Variants in ZNF599 observed in about 807,000 individuals in gnomAD.
ZNF599 encodes the protein zinc finger protein 599.
In ZNF599, 10 loss-of-function variants were observed where a neutral mutation model predicts 11.7. That is an observed-to-expected ratio of 0.86 (90% CI 0.53 to 1.45). The LOEUF (loss-of-function observed/expected upper bound fraction) is 1.45. ZNF599 is among the 40% of genes most tolerant of loss of function. The pLI is 0.00. For missense variants in ZNF599, 688 were observed against 713.6 expected (o/e 0.96, Z 0.41); for synonymous variants, 232 against 253.2 (o/e 0.92, Z 0.79).
chr19:34,773,113 C>A lies in ZNF599; in HGVS notation c.-272G>T. 1 of 432,246 alleles carries A rather than the reference C, an allele frequency of 2.3e-6. No homozygotes were observed. The highest frequency in any genetic ancestry group is 4.1e-6 in the Non-Finnish European group (1 of 245,096). The allele number at this position is 432,246 out of a possible 1,614,324, so 26.8% of individuals were successfully genotyped here. A position where few individuals can be genotyped will look rare whatever the true frequency, so the allele number is the denominator to read the frequency against. Reference sequence around the variant, plus strand: ...GGGTCCTATCCTCCTCACTGTCCGTCTCTACTCGGTCTCGAAAAGTGGCCC... The same window carrying A: ...GGGTCCTATCCTCCTCACTGTCCGTATCTACTCGGTCTCGAAAAGTGGCCC... On this transcript the variant is annotated 5_prime_UTR_variant, in exon 1 of 4. Transcript: ENST00000329285.
At chr19:34,805,194 T>TA in the ZNF599 span, among the ~76,000 whole-genome samples, 10 of 141,948 alleles carry the variant, frequency 7.0e-5, no homozygotes, top group African/African-American at 2.0e-4. Flanking sequence ...CCCTAAGTGC[T>TA]ACCTTTTTTT....
chr19:34,765,365 T>C (rs2069136180), intron 3 of ZNF599: 5 of 562,068 alleles, frequency 8.9e-6, no homozygotes, highest in Admixed American at 3.0e-5. Context: ...TCTCACACAG[T>C]GGCTTGATTT....
upstream of ZNF599, among the ~76,000 whole-genome samples, chr19:34,775,506 A>C (rs188941253): frequency 1.6e-3 from 241 of 152,368 alleles, no homozygotes; most frequent in African/African-American, 5.5e-3. Flanking sequence ...GTGGTGGGAC[A>C]GCCGATTGAT....
chr19:34,761,948 A>G (rs1351359048), intron 3 of ZNF599, among the ~76,000 whole-genome samples: 2 of 152,194 alleles, frequency 1.3e-5, no homozygotes, highest in Non-Finnish European at 2.9e-5. Context: ...CAAAAAAGCA[A>G]ACAAATAAAA....
chr19:34,773,216 G>T (rs1041299065), upstream of ZNF599: 1 of 257,076 alleles, frequency 3.9e-6, no homozygotes, highest in Non-Finnish European at 7.4e-6. Flanking sequence ...CTGGACGCCG[G>T]AAGTCCCGCC....
the ZNF599 span, among the ~76,000 whole-genome samples, chr19:34,790,644 C>A: frequency 6.6e-6 from 1 of 152,024 alleles, no homozygotes; most frequent in Non-Finnish European, 1.5e-5. Context: ...ATCAATGGTG[C>A]AAAATTTCAG....
chr19:34,765,698 A>C, intron 3 of ZNF599: 1 of 702,906 alleles, frequency 1.4e-6, no homozygotes, highest in Non-Finnish European at 2.6e-6. Flanking sequence ...AAGAAAATCA[A>C]GTGTGTAGGC....
chr19:34,764,192 T>C (rs1227848077), intron 3 of ZNF599: 3 of 152,210 alleles, frequency 2.0e-5, no homozygotes, highest in Admixed American at 1.3e-4. Flanking sequence ...GCAATCAGGA[T>C]GGCAACAGTG....
At chr19:34,807,280 G>T in the ZNF599 span, among the ~76,000 whole-genome samples, 1 of 152,200 alleles carries the variant, frequency 6.6e-6, no homozygotes, top group South Asian at 2.1e-4. Context: ...TTTGAAAGTA[G>T]GAGTCCGGCG....
At chr19:34,768,717 T>C (rs1476311639) in intron 2 of ZNF599, among the ~76,000 whole-genome samples, 1 of 152,176 alleles carries the variant, frequency 6.6e-6, no homozygotes, top group Non-Finnish European at 1.5e-5. Flanking sequence ...TGCTTGAGGC[T>C]AGGAGTTTGA....
chr19:34,772,838 C>T lies in ZNF599; in HGVS notation c.4G>A (p.Ala2Thr). M[A>T]APALALVSFE... Reference sequence around the variant, plus strand: ...CCTCCACTCACCAACGCCGGCGCCGCCATGGGCCCAGGGGGCTGGGTGAGG... The same window carrying T: ...CCTCCACTCACCAACGCCGGCGCCGTCATGGGCCCAGGGGGCTGGGTGAGG... Residue 2 changes from alanine (A) to threonine (T), a missense_variant, in exon 1 of 4, where the codon GCG (alanine) becomes ACG (threonine). Ala to Thr is a moderately conservative substitution (Grantham distance 58). Coordinates refer to ENST00000329285, the MANE Select transcript of ZNF599 (RefSeq NM_001007248.3). The T allele has an allele frequency of 6.6e-7, 1 of 1,518,974 alleles. No homozygotes were observed. Among genetic ancestry groups the T allele is most frequent in the Non-Finnish European group, 8.8e-7 (1 of 1,137,038 alleles). 94.1% of individuals were successfully genotyped at this position (1,518,974 alleles called of 1,614,324 possible). A position where few individuals can be genotyped will look rare whatever the true frequency, so the allele number is the denominator to read the frequency against.
the ZNF599 span, among the ~76,000 whole-genome samples, chr19:34,789,863 C>A: frequency 6.6e-6 from 1 of 152,082 alleles, no homozygotes; most frequent in South Asian, 2.1e-4. Flanking sequence ...GATGTGGTCC[C>A]ATTTGACTAT....
chr19:34,777,454 TATATA>T (rs1159007354), upstream of ZNF599, among the ~76,000 whole-genome samples: 3 of 97,966 alleles, frequency 3.1e-5, no homozygotes, highest in Admixed American at 1.6e-4. Flanking sequence ...TATTAATTAA[TATATA>T]ATATATTATA....
chr19:34,773,703 G>C (rs922411639), upstream of ZNF599, among the ~76,000 whole-genome samples: 6 of 151,946 alleles, frequency 3.9e-5, no homozygotes, highest in African/African-American at 1.5e-4. Flanking sequence ...AGGTACTCTG[G>C]GGGGTGGGAC....
At chr19:34,760,682 ATC>A in intron 3 of ZNF599, 123 bp from the exon 4 acceptor site, 2 of 885,082 alleles carry the variant, frequency 2.3e-6, no homozygotes, top group Non-Finnish European at 3.3e-6. Context: ...GCATTTTTAC[ATC>A]TCTCAAAACC....
chr19:34,769,434 G>T lies in ZNF599; in HGVS notation c.140C>A (p.Ser47Ter), dbSNP rs2069167408. 5.6e-6 allele frequency: 9 copies of T among 1,614,030 alleles called. No homozygotes were observed. Among genetic ancestry groups the T allele is most frequent in the African/African-American group, 1.3e-5 (1 of 74,916 alleles). Residue 47 changes from serine to a stop codon, truncating the protein, a stop_gained, in exon 2 of 4, where the codon TCA becomes TAA. Coordinates refer to ENST00000329285, the MANE Select transcript of ZNF599 (RefSeq NM_001007248.3). LOFTEE classifies it high-confidence loss of function. Reference protein sequence around the residue: ...VMLETCRLLVSLGHPVPKPEL... With the variant: ...VMLETCRLLV ...GGAGGGTAATGAGGTCTTACCCAGT[G>T]AGACCAGGAGCCTGCAGGTCTCCAG...
intron 1 of ZNF599, among the ~76,000 whole-genome samples, chr19:34,770,087 C>T (rs562834912): frequency 3.3e-4 from 50 of 152,298 alleles, no homozygotes; most frequent in Non-Finnish European, 6.8e-4. Context: ...CCCACTTCAC[C>T]GAACTGTTGT....
At position 34,773,076 on chromosome 19, in the gene ZNF599, A is replaced by G. The variant is rs1231398160; in HGVS notation, c.-235T>C. 7 of 530,988 alleles carry G rather than the reference A, an allele frequency of 1.3e-5. No individual in the cohort carries two copies. In the Admixed American group the frequency reaches 2.7e-4, roughly 20 times the overall value. The allele number at this position is 530,988 out of a possible 1,614,324, so 32.9% of individuals were successfully genotyped here. A position where few individuals can be genotyped will look rare whatever the true frequency, so the allele number is the denominator to read the frequency against. On this transcript the variant is annotated 5_prime_UTR_variant, in exon 1 of 4. Coordinates refer to ENST00000329285, the MANE Select transcript of ZNF599 (RefSeq NM_001007248.3). Reference sequence around the variant, plus strand: ...GGGGGTGGGATCGCGGCTGACATAAAAGCGTGTAAGTGGGTCCTATCCTCC... The same window carrying G: ...GGGGGTGGGATCGCGGCTGACATAAGAGCGTGTAAGTGGGTCCTATCCTCC...
rs147796554 is a variant in ZNF599 at position 34,760,131 on chromosome 19, C to G, written c.670G>C (p.Val224Leu). The G allele has an allele frequency of 6.2e-7, 1 of 1,614,042 alleles. No homozygotes were observed. Among genetic ancestry groups the G allele is most frequent in the African/African-American group, 1.3e-5 (1 of 74,908 alleles). ...CACTCATTGCACTCATAGGGCTTCA[C>G]TCCAGCATGAATCTGTTGATGCCGA... is the stretch of plus-strand genomic sequence containing the variant. ...LVRHQQIHAG[V>L]KPYECNECGK... Residue 224 changes from valine (V) to leucine (L), a missense_variant, in exon 4 of 4, where the codon GTG (valine) becomes CTG (leucine). Physicochemically the swap from Val to Leu is conservative, Grantham distance 32. Coordinates refer to ENST00000329285, the MANE Select transcript of ZNF599 (RefSeq NM_001007248.3).
Sources: gnomAD v4.1 joint callset for allele counts (sites outside exome capture counted in the v4.1 genomes callset) on GRCh38, gnomAD v4.1.1 for gene constraint, MANE v1.5 for transcripts, NCBI Gene and HGNC (gene_info 2026-07-23, HGNC 2026-07-21) for gene names.